The following CCDC7 variants were observed in gnomAD, a reference collection of about 807,000 sequenced individuals.
The protein encoded by CCDC7 is coiled-coil domain-containing protein 7.
Under a neutral mutation model 196.9 loss-of-function variants are expected in CCDC7, and 183 were observed. The ratio of observed to expected loss-of-function variants is 0.93; its 90% CI spans 0.82 to 1.05. The LOEUF (loss-of-function observed/expected upper bound fraction) is 1.05, where lower values mean the gene tolerates loss of function less well. CCDC7 is among the 50% of genes least tolerant of loss of function. The probability of loss-of-function intolerance (pLI) is 0.00; values close to 1 mark genes in which losing one functional copy is unlikely to be tolerated. For synonymous variants in CCDC7, 525 were observed against 484.6 expected (o/e 1.08, Z -1.10); for missense variants, 1,540 against 1,482.2 (o/e 1.04, Z -0.64).
intron 33 of CCDC7, among the ~76,000 whole-genome samples, chr10:32,839,185 T>C (rs1278179304): frequency 6.6e-6 from 1 of 151,884 alleles, no homozygotes; most frequent in African/African-American, 2.4e-5. Flanking sequence ...ACTTAAAAGA[T>C]ACAGAATGGC....
intron 20 of CCDC7, among the ~76,000 whole-genome samples, chr10:32,637,910 C>G (rs2065947072): frequency 6.6e-6 from 1 of 152,106 alleles, no homozygotes; most frequent in Admixed American, 6.5e-5. Context: ...TTTCATCGAG[C>G]AGTGGTTTGT....
At chr10:32,664,592 T>G (rs1263627522) in intron 21 of CCDC7, among the ~76,000 whole-genome samples, 1 of 152,072 alleles carries the variant, frequency 6.6e-6, no homozygotes, top group African/African-American at 2.4e-5. Flanking sequence ...GATAATGCAG[T>G]ATTTGTTTTT....
intron 24 of CCDC7, among the ~76,000 whole-genome samples, chr10:32,699,898 G>T (rs887227667): frequency 6.7e-6 from 1 of 149,396 alleles, no homozygotes; most frequent in Non-Finnish European, 1.5e-5. Context: ...TGTTGATAGG[G>T]TTGTTTGTTT....
At chr10:32,621,964 AC>A (rs1429922356) in intron 18 of CCDC7, among the ~76,000 whole-genome samples, 1 of 152,190 alleles carries the variant, frequency 6.6e-6, no homozygotes, top group Admixed American at 6.5e-5. Flanking sequence ...AGCCCCATCA[AC>A]TTGACACATA....
At chr10:32,457,305 G>A (rs2034568270) in intron 3 of CCDC7, among the ~76,000 whole-genome samples, 4 of 152,078 alleles carry the variant, frequency 2.6e-5, no homozygotes. Context: ...GGCTTTCCAT[G>A]TTGCTGTGAA....
At chr10:32,574,899 A>C (rs1452179152) in intron 16 of CCDC7, among the ~76,000 whole-genome samples, 2 of 152,184 alleles carry the variant, frequency 1.3e-5, no homozygotes, top group African/African-American at 4.8e-5. Context: ...TTAGCTGTTA[A>C]ATTTACTCAT....
intron 20 of CCDC7, among the ~76,000 whole-genome samples, chr10:32,636,374 C>A (rs74437766): frequency 0.11 from 17,189 of 152,154 alleles, 1,166 homozygotes; most frequent in South Asian, 0.27. Context: ...TGCTATCCCT[C>A]CCCCTACCCC....
intron 29 of CCDC7, among the ~76,000 whole-genome samples, chr10:32,782,406 T>C (rs1470949529): frequency 1.3e-5 from 2 of 152,154 alleles, no homozygotes; most frequent in East Asian, 3.9e-4. Flanking sequence ...TTTTGTATGT[T>C]TAGAAGAAAC....
chr10:32,456,476 T>A, intron 3 of CCDC7, 142 bp downstream of exon 4: 1 of 608,548 alleles, frequency 1.6e-6, no homozygotes, highest in Non-Finnish European at 2.4e-6. Flanking sequence ...AAACATTATT[T>A]ATTTATTTTT....
chr10:32,764,726 G>GC (rs755201117), intron 28 of CCDC7, among the ~76,000 whole-genome samples: 4 of 151,990 alleles, frequency 2.6e-5, no homozygotes, highest in Non-Finnish European at 5.9e-5. Flanking sequence ...TGTGAAGACA[G>GC]CCCCAGCATT....
At chr10:32,447,998 G>A (rs934975435), upstream of CCDC7, among the ~76,000 whole-genome samples, 1 of 152,160 alleles carries the variant, frequency 6.6e-6, no homozygotes, top group Non-Finnish European at 1.5e-5. Context: ...ATTTCCAAGA[G>A]AGCATTGTGT....
At chr10:32,499,605 T>TA (rs368891289) in intron 9 of CCDC7, among the ~76,000 whole-genome samples, 9 of 151,728 alleles carry the variant, frequency 5.9e-5, no homozygotes, top group African/African-American at 2.2e-4. Flanking sequence ...TTTATTTTTT[T>TA]ATTTTTTTTT....
At chr10:32,595,144 C>G (rs1324734090) in intron 18 of CCDC7, among the ~76,000 whole-genome samples, 1 of 152,116 alleles carries the variant, frequency 6.6e-6, no homozygotes, top group Non-Finnish European at 1.5e-5. Flanking sequence ...CTCTTTGTAC[C>G]TCTGGCAGAA....
intron 21 of CCDC7, among the ~76,000 whole-genome samples, chr10:32,673,564 G>C (rs567724907): frequency 6.6e-6 from 1 of 151,116 alleles, no homozygotes; most frequent in African/African-American, 2.4e-5. Flanking sequence ...TGGATAGTTC[G>C]TTGTTAGTAT....
intron 31 of CCDC7, among the ~76,000 whole-genome samples, chr10:32,818,998 C>A (rs538205366): frequency 2.6e-5 from 4 of 152,000 alleles, no homozygotes; most frequent in Non-Finnish European, 5.9e-5. Context: ...ACATAAATAA[C>A]CCTTCAAAAA....
chr10:32,770,523 T>C (rs1316624109), intron 28 of CCDC7, among the ~76,000 whole-genome samples: 1 of 152,190 alleles, frequency 6.6e-6, no homozygotes, highest in Non-Finnish European at 1.5e-5. Context: ...GGATTTGTTT[T>C]GTGGCCTATT....
chr10:32,726,606 A>G (rs2083163044), intron 25 of CCDC7, 128 bp from the exon 27 acceptor site: 2 of 498,502 alleles, frequency 4.0e-6, no homozygotes, highest in Non-Finnish European at 7.1e-6. Flanking sequence ...ATTTACTTAT[A>G]ATTTTATAAA....
rs527354379 is a variant in CCDC7 at position 32,519,451 on chromosome 10, A to G, written c.993+946A>G. 7.9e-3 allele frequency among the ~76,000 whole-genome samples: 1,205 copies of G among 152,250 alleles called. 7 individuals carry two copies. Among genetic ancestry groups the G allele is most frequent in the Middle Eastern group, 0.02 (6 of 294 alleles). ...GGTGTTTTGTCTCTAATTCTGCTCTAGAGAGCAATGGTTTTTGCATGAACT... is the reference window on the plus strand; with the variant it reads ...GGTGTTTTGTCTCTAATTCTGCTCTGGAGAGCAATGGTTTTTGCATGAACT... On this transcript the variant is annotated intron_variant, in intron 11 of 41. Transcript: ENST00000639629.
intron 18 of CCDC7, among the ~76,000 whole-genome samples, chr10:32,585,316 G>A (rs17585220): frequency 2.7e-4 from 41 of 152,162 alleles, no homozygotes; most frequent in Non-Finnish European, 4.0e-4. Context: ...CTTATGATCC[G>A]CCCGCCTTGG....
Sources: allele counts gnomAD v4.1 joint callset (sites outside exome capture counted in the v4.1 genomes callset), GRCh38; gene constraint gnomAD v4.1.1; transcripts MANE v1.5; gene names NCBI Gene and HGNC (gene_info 2026-07-23, HGNC 2026-07-21).